The following SH3PXD2B variants were observed in gnomAD, a reference collection of about 807,000 sequenced individuals.
SH3PXD2B encodes the protein SH3 and PX domains 2B.
A neutral mutation model predicts 73.1 loss-of-function variants in SH3PXD2B; 37 were observed. The ratio of observed to expected loss-of-function variants is 0.51; its 90% CI spans 0.39 to 0.67. SH3PXD2B has a LOEUF of 0.67. Ranked by LOEUF, SH3PXD2B falls within the 30% of genes least tolerant of loss-of-function variation. The pLI, the probability that SH3PXD2B is intolerant of heterozygous loss-of-function variation, is 0.00. For synonymous variants in SH3PXD2B, 457 were observed against 480.5 expected (o/e 0.95, Z 0.64); for missense variants, 1,053 against 1,197.8 (o/e 0.88, Z 1.78).
intron 4 of SH3PXD2B, among the ~76,000 whole-genome samples, chr5:172,390,713 C>T (rs10463020): frequency 0.36 from 54,951 of 151,892 alleles, 10,630 homozygotes; most frequent in East Asian, 0.66. Context: ...TGTGTGGACA[C>T]AAGTTTTCAA....
chr5:172,352,614 G>A (rs1240396925), intron 9 of SH3PXD2B, among the ~76,000 whole-genome samples: 2 of 152,198 alleles, frequency 1.3e-5, no homozygotes. Flanking sequence ...TGTTGTGGGA[G>A]GGACTCAGGC....
chr5:172,360,128 C>T (rs1757366519), intron 7 of SH3PXD2B, among the ~76,000 whole-genome samples: 1 of 152,030 alleles, frequency 6.6e-6, no homozygotes, highest in Non-Finnish European at 1.5e-5. Context: ...TGCTGTCGGC[C>T]GGGCGTGGTG....
Position 172,368,495 on chromosome 5 carries a change from A to G in SH3PXD2B, c.427+5295T>C, listed in dbSNP as rs868192838. On this transcript the variant is annotated intron_variant, in intron 6 of 12. Transcript: ENST00000311601. ...ATATATATATATAAAATATATATATATTATATATATATATATAAAATATAT... is the reference window on the plus strand; with the variant it reads ...ATATATATATATAAAATATATATATGTTATATATATATATATAAAATATAT... Among the ~76,000 whole-genome samples the G allele has an allele frequency of 1.5e-3, 10 of 6,820 alleles. 1 individual carries two copies. Among genetic ancestry groups the G allele is most frequent in the African/African-American group, 6.3e-3 (10 of 1,598 alleles). 4.5% of individuals were successfully genotyped at this position (6,820 alleles called of 152,430 possible). A position where few individuals can be genotyped will look rare whatever the true frequency, so the allele number is the denominator to read the frequency against.
chr5:172,416,640 T>C (rs1440072321), intron 2 of SH3PXD2B, among the ~76,000 whole-genome samples: 120 of 150,746 alleles, frequency 8.0e-4, no homozygotes, highest in African/African-American at 2.8e-3. Context: ...CTTTTTTTTT[T>C]TTTTTTTTTA....
chr5:172,378,148 C>T (rs560818846), intron 5 of SH3PXD2B, among the ~76,000 whole-genome samples: 1 of 152,330 alleles, frequency 6.6e-6, no homozygotes, highest in South Asian at 2.1e-4. Context: ...CCCGAGTGTC[C>T]TTCCTTCTTG....
At chr5:172,371,171 T>A (rs1046204226) in intron 6 of SH3PXD2B, among the ~76,000 whole-genome samples, 7 of 152,218 alleles carry the variant, frequency 4.6e-5, no homozygotes, top group African/African-American at 1.7e-4. Context: ...ATTTTTAAGA[T>A]GAAGGGTAAA....
chr5:172,409,853 T>A (rs919454915), intron 2 of SH3PXD2B, among the ~76,000 whole-genome samples: 3 of 152,286 alleles, frequency 2.0e-5, no homozygotes, highest in South Asian at 2.1e-4. Flanking sequence ...GTAGCTGAGA[T>A]TACAGGCATG....
chr5:172,339,706 A>G lies in SH3PXD2B; in HGVS notation c.1399T>C (p.Ser467Pro). The part of the protein sequence containing the change: ...NNTGSEATGP[S>P]RPLPDAPHGV... The stretch of plus-strand genomic sequence containing the variant: ...TGCGGTGCGTCAGGCAGGGGCCGGG[A>G]GGGGCCCGTGGCTTCGCTGCCCGTG... The change falls in exon 13 of 13, where the codon TCC (serine) becomes CCC (proline). Residue 467 changes from serine (S) to proline (P), a missense_variant. Physicochemically the swap from Ser to Pro is moderately conservative, Grantham distance 74. Transcript: ENST00000311601. The surrounding 1 kb of genome is among the most constrained non-coding windows in gnomAD (Gnocchi z 6.1). 6.2e-7 allele frequency: 1 copy of G among 1,614,034 alleles called. No individual in the cohort carries two copies.
downstream of SH3PXD2B, chr5:172,333,495 C>T: frequency 8.6e-7 from 1 of 1,169,446 alleles, no homozygotes; most frequent in Non-Finnish European, 1.1e-6. Context: ...ATAGACACTG[C>T]ATCTTCATGA....
chr5:172,385,146 C>G (rs1166834032), intron 4 of SH3PXD2B, among the ~76,000 whole-genome samples: 2 of 152,118 alleles, frequency 1.3e-5, no homozygotes, highest in Non-Finnish European at 2.9e-5. Flanking sequence ...GTCTGCTCCC[C>G]CCTCCCCATG....
At chr5:172,357,110 C>T (rs1055917339) in intron 8 of SH3PXD2B, among the ~76,000 whole-genome samples, 5 of 125,866 alleles carry the variant, frequency 4.0e-5, no homozygotes, top group Non-Finnish European at 8.0e-5. Context: ...CAGAGTGAGA[C>T]CCCATCTCAA....
rs899885495 is a variant in SH3PXD2B, at chr5:172,335,012, G to A, written c.*3357C>T. On this transcript the variant is annotated 3_prime_UTR_variant, in exon 13 of 13. Transcript: ENST00000311601. ...CCAGTAGGGAAGGGCCATTAAAAGCGGTTTAAGCTGGAGCTCAGCTCTCCC... is the reference window on the plus strand; with the variant it reads ...CCAGTAGGGAAGGGCCATTAAAAGCAGTTTAAGCTGGAGCTCAGCTCTCCC... 11 of 985,340 alleles carry A rather than the reference G, an allele frequency of 1.1e-5. No individual in the cohort carries two copies. Among genetic ancestry groups the A allele is most frequent in the African/African-American group, 3.5e-5 (2 of 57,236 alleles). 61.0% of individuals were successfully genotyped at this position (985,340 alleles called of 1,614,324 possible). A position where few individuals can be genotyped will look rare whatever the true frequency, so the allele number is the denominator to read the frequency against.
chr5:172,366,584 G>A (rs1295148065), intron 6 of SH3PXD2B, among the ~76,000 whole-genome samples: 4 of 152,174 alleles, frequency 2.6e-5, no homozygotes, highest in Admixed American at 2.6e-4. Flanking sequence ...ACTGGTCCCT[G>A]GTACCAGCCT....
At chr5:172,325,264 A>G in exon 13 of SH3PXD2B, 1 of 1,526,324 alleles carries the variant, frequency 6.6e-7, no homozygotes, top group East Asian at 2.4e-5. Flanking sequence ...CAGCAAGGAC[A>G]TGACGTGGTT....
intron 1 of SH3PXD2B, among the ~76,000 whole-genome samples, chr5:172,442,930 C>T (rs1437996460): frequency 6.6e-6 from 1 of 152,296 alleles, no homozygotes; most frequent in East Asian, 1.9e-4. Context: ...CCAAGTTCCA[C>T]CTCTTCCACC....
At chr5:172,447,762 G>A (rs1186936939) in intron 1 of SH3PXD2B, among the ~76,000 whole-genome samples, 5 of 152,212 alleles carry the variant, frequency 3.3e-5, no homozygotes, top group Non-Finnish European at 5.9e-5. Context: ...AGATATGACT[G>A]CTCCACCTCC....
At position 172,337,559 on chromosome 5, in the gene SH3PXD2B, T is replaced by G; in HGVS notation, c.*810A>C. ...GAATGGGCCTCTTATTCAAACAAACTTTGAGATTCTTGCTTTAGGTAGGCA... is the reference window on the plus strand; with the variant it reads ...GAATGGGCCTCTTATTCAAACAAACGTTGAGATTCTTGCTTTAGGTAGGCA... On this transcript the variant is annotated 3_prime_UTR_variant, in exon 13 of 13. Coordinates refer to ENST00000311601, the MANE Select transcript of SH3PXD2B (RefSeq NM_001017995.3). 1.0e-6 allele frequency: 1 copy of G among 985,572 alleles called. No individual in the cohort carries two copies. The highest frequency in any genetic ancestry group is 1.2e-6 in the Non-Finnish European group (1 of 830,028). 61.1% of individuals were successfully genotyped at this position (985,572 alleles called of 1,614,324 possible). A position where few individuals can be genotyped will look rare whatever the true frequency, so the allele number is the denominator to read the frequency against.
At chr5:172,418,880 G>C (rs1211978283) in intron 2 of SH3PXD2B, among the ~76,000 whole-genome samples, 5 of 152,188 alleles carry the variant, frequency 3.3e-5, no homozygotes, top group Non-Finnish European at 7.3e-5. Context: ...AGAAAGTTGA[G>C]TCGGAACAGG....
At chr5:172,393,035 G>C (rs369642902) in intron 4 of SH3PXD2B, among the ~76,000 whole-genome samples, 133 of 152,168 alleles carry the variant, frequency 8.7e-4, no homozygotes, top group Admixed American at 2.7e-3. Context: ...AAAGTGTTTT[G>C]ACTATTCTGG....
Sources: allele counts gnomAD v4.1 joint callset (sites outside exome capture counted in the v4.1 genomes callset), GRCh38; gene constraint gnomAD v4.1.1; non-coding constraint Gnocchi (gnomAD v3.1); transcripts MANE v1.5; gene names NCBI Gene and HGNC (gene_info 2026-07-23, HGNC 2026-07-21).